Variants in MECOM observed in about 807,000 individuals in gnomAD.
MECOM encodes histone-lysine N-methyltransferase MECOM.
A neutral mutation model predicts 116.3 loss-of-function variants in MECOM; 13 were observed. That is an observed-to-expected ratio of 0.11 (90% CI 0.07 to 0.18). The LOEUF (loss-of-function observed/expected upper bound fraction) is 0.18, where lower values mean the gene tolerates loss of function less well. Ranked by LOEUF, MECOM falls within the 10% of genes least tolerant of loss-of-function variation. The pLI is 1.00. For missense variants in MECOM, 1,299 were observed against 1,509.0 expected, an observed-to-expected ratio of 0.86 and a Z score of 2.31; for synonymous variants, 528 against 535.2, an observed-to-expected ratio of 0.99 and a Z score of 0.19.
chr3:169,469,256 G>T (rs1025303339), intron 1 of MECOM, among the ~76,000 whole-genome samples: 1 of 152,118 alleles, frequency 6.6e-6, no homozygotes, highest in Admixed American at 6.6e-5. Context: ...AGCAGAACAA[G>T]CAGTATAAGA....
intron 2 of MECOM, among the ~76,000 whole-genome samples, chr3:169,162,169 A>G (rs1406615790): frequency 6.6e-6 from 1 of 152,366 alleles, no homozygotes; most frequent in East Asian, 1.9e-4. Flanking sequence ...TCAGACCATC[A>G]GAGAATAGCT....
At chr3:169,410,386 C>T (rs1450056417) in intron 1 of MECOM, among the ~76,000 whole-genome samples, 2 of 152,184 alleles carry the variant, frequency 1.3e-5, no homozygotes, top group African/African-American at 4.8e-5. Context: ...TAAAGACCGA[C>T]TTTTCTTTTG....
At chr3:169,566,489 C>G (rs1231931966) in intron 1 of MECOM, among the ~76,000 whole-genome samples, 3 of 152,200 alleles carry the variant, frequency 2.0e-5, no homozygotes, top group Non-Finnish European at 4.4e-5. Context: ...AAGCTACAAC[C>G]ACAATTTGCT....
intron 2 of MECOM, among the ~76,000 whole-genome samples, chr3:169,322,530 T>A (rs188726324): frequency 8.7e-4 from 133 of 152,266 alleles, no homozygotes; most frequent in Middle Eastern, 3.4e-3. Flanking sequence ...CCAAGACTTA[T>A]CAGGATGGAA....
At chr3:169,438,543 A>G (rs560124386) in intron 1 of MECOM, among the ~76,000 whole-genome samples, 19 of 152,218 alleles carry the variant, frequency 1.2e-4, no homozygotes, top group Non-Finnish European at 2.2e-4. Flanking sequence ...ACCGATTCCC[A>G]TCAGTCATTT....
At position 169,655,201 on chromosome 3, in the gene MECOM, T is replaced by G. The variant is rs188790971; in HGVS notation, c.37+8135A>C. 1.1e-4 allele frequency among the ~76,000 whole-genome samples: 16 copies of G among 152,138 alleles called. No individual in the cohort carries two copies. In the East Asian group the frequency reaches 3.1e-3, roughly 29 times the overall value. On this transcript the variant is annotated intron_variant, in intron 1 of 16. Transcript: ENST00000651503. The stretch of plus-strand genomic sequence containing the variant: ...CTTTAGAGGAGTCTTGAACTGCCAG[T>G]TTCCCACCATCCCCGCCACTCCCTC...
intron 2 of MECOM, among the ~76,000 whole-genome samples, chr3:169,369,577 T>C (rs1278251693): frequency 2.0e-5 from 3 of 151,816 alleles, no homozygotes; most frequent in African/African-American, 7.3e-5. Context: ...CTCAAACTCC[T>C]GGGCTCAAAT....
intron 1 of MECOM, among the ~76,000 whole-genome samples, chr3:169,471,715 A>C (rs1184602972): frequency 6.6e-6 from 1 of 152,176 alleles, no homozygotes; most frequent in Admixed American, 6.5e-5. Context: ...CTGGCTCCTC[A>C]TCACAATGCC....
intron 2 of MECOM, among the ~76,000 whole-genome samples, chr3:169,349,482 G>T (rs753552060): frequency 9.2e-5 from 14 of 151,784 alleles, no homozygotes; most frequent in Non-Finnish European, 1.6e-4. Context: ...CATTTGCTTG[G>T]TGTTCACATG....
chr3:169,241,766 T>C (rs1577442607), intron 2 of MECOM, among the ~76,000 whole-genome samples: 1 of 152,176 alleles, frequency 6.6e-6, no homozygotes, highest in South Asian at 2.1e-4. Flanking sequence ...TTGACCAATG[T>C]TGCATCACAA....
At chr3:169,472,607 G>A (rs1280596546) in intron 1 of MECOM, among the ~76,000 whole-genome samples, 1 of 68,516 alleles carries the variant, frequency 1.5e-5, no homozygotes, top group African/African-American at 8.6e-5. Flanking sequence ...GGAAAGGAAA[G>A]GAAAGGAAAG....
intron 2 of MECOM, among the ~76,000 whole-genome samples, chr3:169,155,753 T>G (rs1424352135): frequency 2.0e-5 from 3 of 152,204 alleles, no homozygotes; most frequent in African/African-American, 4.8e-5. Context: ...ACACAAATCT[T>G]TAGCACTGGT....
chr3:169,315,965 T>G (rs993546192), intron 2 of MECOM, among the ~76,000 whole-genome samples: 3 of 152,236 alleles, frequency 2.0e-5, no homozygotes. Flanking sequence ...TAAAGTTATT[T>G]GTTCTTTGGT....
chr3:169,584,564 CAAAA>C (rs11323716), intron 1 of MECOM, among the ~76,000 whole-genome samples: 3 of 108,386 alleles, frequency 2.8e-5, no homozygotes, highest in Admixed American at 9.3e-5. Flanking sequence ...AACTCCACCT[CAAAA>C]AAAAAAAAAA....
chr3:169,618,907 A>G (rs1487258176), intron 1 of MECOM, among the ~76,000 whole-genome samples: 1 of 152,218 alleles, frequency 6.6e-6, no homozygotes, highest in Non-Finnish European at 1.5e-5. Context: ...CACAAACTAT[A>G]AAGTAGGCAT....
intron 2 of MECOM, among the ~76,000 whole-genome samples, chr3:169,278,650 C>G (rs936702829): frequency 6.6e-6 from 1 of 152,174 alleles, no homozygotes; most frequent in African/African-American, 2.4e-5. Context: ...CATAATCTGT[C>G]TGATAACCAA....
chr3:169,188,715 A>C (rs1747097505), intron 2 of MECOM, among the ~76,000 whole-genome samples: 1 of 152,060 alleles, frequency 6.6e-6, no homozygotes, highest in African/African-American at 2.4e-5. Flanking sequence ...AGAGCCACCC[A>C]ATCTCATTTT....
At position 169,381,344 on chromosome 3, in the gene MECOM, T is replaced by A. The variant is rs1295334491; in HGVS notation, c.218A>T (p.Asp73Val). The stretch of plus-strand genomic sequence containing the variant: ...TTCAAACTCAGCAGGAATGGGGATA[T>A]CATCAGGGATGTAGATGGGGGCTTT... Reference protein sequence around the residue: ...PYKAPIYIPDDIPIPAEFELR... With the variant: ...PYKAPIYIPDVIPIPAEFELR... Residue 73 changes from aspartate to valine, a missense_variant, in exon 2 of 17, where the codon GAT (aspartate) becomes GTT (valine). Asp to Val is a radical substitution (Grantham distance 152). Transcript: ENST00000651503. 2 of 1,613,856 alleles carry A rather than the reference T, an allele frequency of 1.2e-6. 1 individual carries two copies. The highest frequency in any genetic ancestry group is 2.2e-5 in the South Asian group (2 of 91,074).
chr3:169,578,071 T>C (rs570098066), intron 1 of MECOM, among the ~76,000 whole-genome samples: 2 of 152,322 alleles, frequency 1.3e-5, no homozygotes, highest in East Asian at 3.9e-4. Flanking sequence ...ATGGTACTTA[T>C]TGTCATAAAT....
Sources: gnomAD v4.1 joint callset for allele counts (sites outside exome capture counted in the v4.1 genomes callset) on GRCh38, gnomAD v4.1.1 for gene constraint, MANE v1.5 for transcripts, NCBI Gene and HGNC (gene_info 2026-07-23, HGNC 2026-07-21) for gene names.